Variants in TCTN1 observed in about 807,000 individuals in gnomAD.
The protein encoded by TCTN1 is tectonic-1.
In TCTN1, 58 loss-of-function variants were observed where a neutral mutation model predicts 65.8. That is an observed-to-expected ratio of 0.88 (90% CI 0.71 to 1.10). The LOEUF (loss-of-function observed/expected upper bound fraction) is 1.10, where lower values mean the gene tolerates loss of function less well. Ranked by LOEUF, TCTN1 falls within the 50% of genes least tolerant of loss-of-function variation. The pLI, the probability that TCTN1 is intolerant of heterozygous loss-of-function variation, is 0.00. For synonymous variants in TCTN1, 273 were observed against 289.1 expected, an observed-to-expected ratio of 0.94 and a Z score of 0.57; for missense variants, 645 against 719.4, an observed-to-expected ratio of 0.90 and a Z score of 1.18.
intron 1 of TCTN1, among the ~76,000 whole-genome samples, chr12:110,618,627 C>G (rs1478980747): frequency 6.6e-6 from 1 of 152,040 alleles, no homozygotes; most frequent in Admixed American, 6.6e-5. Context: ...TGCCCGCCTC[C>G]CAAAGTGCAG....
At chr12:110,647,051 C>T in intron 12 of TCTN1, 145 bp from the exon 13 acceptor site, 1 of 950,338 alleles carries the variant, frequency 1.1e-6, no homozygotes, top group South Asian at 1.5e-5. Context: ...CGTATATTCT[C>T]TAAGCTGTTT....
chr12:110,627,607 T>C lies in TCTN1; in HGVS notation c.472+1115T>C, dbSNP rs143006976. Among the ~76,000 whole-genome samples the C allele has an allele frequency of 2.9e-3, 439 of 152,330 alleles. 2 individuals are homozygous for C. Among genetic ancestry groups the C allele is most frequent in the African/African-American group, 0.01 (425 of 41,580 alleles). ...TGCAGACATACATAGGAATCTAGGT[T>C]TCTATATATACATGTGTTTTTTTAA... On this transcript the variant is annotated intron_variant, in intron 3 of 14. Coordinates refer to ENST00000397659, the MANE Select transcript of TCTN1 (RefSeq NM_001082538.3).
At chr12:110,638,550 G>A (rs1264266106) in intron 7 of TCTN1, among the ~76,000 whole-genome samples, 1 of 152,156 alleles carries the variant, frequency 6.6e-6, no homozygotes, top group Non-Finnish European at 1.5e-5. Flanking sequence ...TTACCAGTGT[G>A]TGTGTGGTTT....
At chr12:110,621,064 C>T (rs1223568870) in intron 2 of TCTN1, among the ~76,000 whole-genome samples, 1 of 152,186 alleles carries the variant, frequency 6.6e-6, no homozygotes, top group African/African-American at 2.4e-5. Flanking sequence ...CTTGGCCTCC[C>T]AAAGTGCCGG....
intron 1 of TCTN1, among the ~76,000 whole-genome samples, chr12:110,617,802 G>A (rs1212140649): frequency 2.0e-5 from 3 of 149,848 alleles, no homozygotes; most frequent in East Asian, 2.0e-4. Flanking sequence ...CACCATGCCC[G>A]ACTAATTTTT....
chr12:110,624,622 C>T (rs796376611), intron 2 of TCTN1, among the ~76,000 whole-genome samples: 1 of 149,274 alleles, frequency 6.7e-6, no homozygotes, highest in African/African-American at 2.5e-5. Flanking sequence ...CTCACTCTGT[C>T]GCCCAGGCTG....
chr12:110,627,853 TTTTA>T (rs1446878218), intron 3 of TCTN1: 3 of 610,824 alleles, frequency 4.9e-6, no homozygotes, highest in African/African-American at 1.8e-5. Context: ...ACGTTTATGC[TTTTA>T]TTTGTCAAAT....
At chr12:110,634,583 A>T in intron 5 of TCTN1, 87 bp from the exon 6 acceptor site, 1 of 1,039,596 alleles carries the variant, frequency 9.6e-7, no homozygotes, top group Non-Finnish European at 1.4e-6. Context: ...TTTTACCTAG[A>T]TTAAAACTTT....
Position 110,647,818 on chromosome 12 carries a change from GCAGAGGCAGGCTTCAGAGCTC to G in TCTN1, c.1708_1728del (p.Glu570_Pro576del). On this transcript the variant is annotated inframe_deletion, in exon 14 of 15. Coordinates refer to ENST00000397659, the MANE Select transcript of TCTN1 (RefSeq NM_001082538.3). ...TACTTTTGTGGATGTGTCTGCACCT[GCAGAGGCAGGCTTCAGAGCTC>G]CACCAGCCATCAATGCCAGGCTGCC... 3 of 1,614,220 alleles carry G rather than the reference GCAGAGGCAGGCTTCAGAGCTC, an allele frequency of 1.9e-6. No individual in the cohort carries two copies. The South Asian group carries it at 3.3e-5, about 18-fold the overall frequency.
intron 2 of TCTN1, among the ~76,000 whole-genome samples, chr12:110,621,497 G>A (rs2135925492): frequency 1.3e-5 from 2 of 150,598 alleles, no homozygotes; most frequent in South Asian, 4.2e-4. Flanking sequence ...TTTTGAGACA[G>A]AGTCTTGCTC....
intron 2 of TCTN1, among the ~76,000 whole-genome samples, chr12:110,620,365 G>A (rs975819864): frequency 2.0e-5 from 3 of 151,596 alleles, no homozygotes; most frequent in Non-Finnish European, 4.4e-5. Context: ...TGGAGATTGC[G>A]CTACTGCACT....
chr12:110,646,790 A>C (rs2067335691), intron 12 of TCTN1: 1 of 238,062 alleles, frequency 4.2e-6, no homozygotes, highest in Admixed American at 5.2e-5. Context: ...CATGACATGC[A>C]ATCAGGTTTT....
chr12:110,621,202 T>A (rs1455409315), intron 2 of TCTN1, among the ~76,000 whole-genome samples: 2 of 152,210 alleles, frequency 1.3e-5, no homozygotes, highest in Admixed American at 1.3e-4. Flanking sequence ...AAATTTAGCC[T>A]TATAGCAAGT....
chr12:110,614,424 C>T (rs2064891427), intron 1 of TCTN1, 22 bp downstream of exon 1: 1 of 1,576,776 alleles, frequency 6.3e-7, no homozygotes, highest in Non-Finnish European at 8.6e-7. Flanking sequence ...GTGCCAGCTC[C>T]TGGAGTCCAC....
At chr12:110,622,373 G>T (rs1389712713) in intron 2 of TCTN1, among the ~76,000 whole-genome samples, 2 of 152,050 alleles carry the variant, frequency 1.3e-5, no homozygotes, top group Non-Finnish European at 2.9e-5. Flanking sequence ...CAGCACCAGG[G>T]ACATAAAGAT....
At chr12:110,637,759 G>C (rs2066674978) in intron 7 of TCTN1, among the ~76,000 whole-genome samples, 1 of 152,204 alleles carries the variant, frequency 6.6e-6, no homozygotes, top group Non-Finnish European at 1.5e-5. Flanking sequence ...CCCCTAGAGA[G>C]TGCTTGGATT....
At chr12:110,633,338 G>C (rs2066352023) in intron 5 of TCTN1, among the ~76,000 whole-genome samples, 1 of 152,228 alleles carries the variant, frequency 6.6e-6, no homozygotes, top group South Asian at 2.1e-4. Flanking sequence ...ACGAAGAACA[G>C]TGTAAATTAA....
In TCTN1 at chr12:110,640,341, CT is replaced by C. The variant is rs1022478284; in HGVS notation, c.844-41del. The C allele has an allele frequency of 8.1e-6, 13 of 1,613,778 alleles. No individual in the cohort carries two copies. In the Admixed American group the frequency reaches 1.8e-4, roughly 23 times the overall value. On this transcript the variant is annotated intron_variant, in intron 7 of 14. Transcript: ENST00000397659. This position sits in a 1 kb window ranked among gnomAD's most constrained non-coding sequence, Gnocchi z 4.9. ...GGTTGGTTATTTTAGCCCATCCTCC[CT>C]GGGTAGAGCATCTTCAACACTCCAG... is the stretch of plus-strand genomic sequence containing the variant.
chr12:110,647,854 G>T lies in TCTN1; in HGVS notation c.1741G>T (p.Ala581Ser). 2 of 1,614,138 alleles carry T rather than the reference G, an allele frequency of 1.2e-6. No individual in the cohort carries two copies. Among genetic ancestry groups the T allele is most frequent in the Non-Finnish European group, 1.7e-6 (2 of 1,180,042 alleles). ...CTTCAGAGCTCCACCAGCCATCAATGCCAGGCTGCCCTTTAACTTCTTCTT... is the reference window on the plus strand; with the variant it reads ...CTTCAGAGCTCCACCAGCCATCAATTCCAGGCTGCCCTTTAACTTCTTCTT... ...AGFRAPPAINARLPFNFFFPF... is the reference protein window; with the variant it reads ...AGFRAPPAINSRLPFNFFFPF... The change falls in exon 14 of 15, where the codon GCC becomes TCC. Residue 581 changes from alanine to serine, a missense_variant. Coordinates refer to ENST00000397659, the MANE Select transcript of TCTN1 (RefSeq NM_001082538.3).
Sources: allele counts gnomAD v4.1 joint callset (sites outside exome capture counted in the v4.1 genomes callset), GRCh38; gene constraint gnomAD v4.1.1; non-coding constraint Gnocchi (gnomAD v3.1); transcripts MANE v1.5; gene names NCBI Gene and HGNC (gene_info 2026-07-23, HGNC 2026-07-21).